Variants in USO1 observed in about 807,000 individuals in gnomAD.
USO1 encodes general vesicular transport factor p115.
A neutral mutation model predicts 124.5 loss-of-function variants in USO1; 57 were observed. That is an observed-to-expected ratio of 0.46 (90% CI 0.37 to 0.57). USO1 has a LOEUF of 0.57. USO1 is among the 20% of genes least tolerant of loss of function. The probability of loss-of-function intolerance (pLI) is 0.00; values close to 1 mark genes in which losing one functional copy is unlikely to be tolerated. For synonymous variants in USO1, 369 were observed against 362.8 expected (o/e 1.02, Z -0.19); for missense variants, 900 against 1,040.6 (o/e 0.86, Z 1.86).
In USO1 at chr4:75,812,157, T is replaced by C; in HGVS notation, c.2584-3T>C. 6.3e-7 allele frequency: 1 copy of C among 1,594,962 alleles called. No individual in the cohort carries two copies. The highest frequency in any genetic ancestry group is 8.5e-7 in the Non-Finnish European group (1 of 1,170,314). On this transcript the variant is annotated splice_polypyrimidine_tract_variant and splice_region_variant and intron_variant, in intron 22 of 23. Coordinates refer to ENST00000514213, the MANE Select transcript of USO1 (RefSeq NM_003715.4). ...TTCCTGCCTTTCACCTTTCTTTTCC[T>C]AGAATGAAATTAAAGCTCTGTCTGA... is the stretch of plus-strand genomic sequence containing the variant.
chr4:75,783,528 CTG>C lies in USO1; in HGVS notation c.855+672_855+673del, dbSNP rs1269724805. Among the ~76,000 whole-genome samples, 4 of 152,284 alleles carry C rather than the reference CTG, an allele frequency of 2.6e-5. No homozygotes were observed. The South Asian group carries it at 8.3e-4, about 32-fold the overall frequency. ...CTTTATTGAATCCTCCTTCTCCAAA[CTG>C]TTAAGTTTATACTAGTCTCCTTACT... On this transcript the variant is annotated intron_variant, in intron 9 of 23. Coordinates refer to ENST00000514213, the MANE Select transcript of USO1 (RefSeq NM_003715.4).
At position 75,771,201 on chromosome 4, in the gene USO1, C is replaced by A. The variant is rs928896107; in HGVS notation, c.555+64C>A. On this transcript the variant is annotated intron_variant, in intron 7 of 23. Coordinates refer to ENST00000514213, the MANE Select transcript of USO1 (RefSeq NM_003715.4). The stretch of plus-strand genomic sequence containing the variant: ...CTTTTTTTTCTCTTGCAAATGAAAT[C>A]CTTGTTGTTGAGTTTTAGGAAATTA... The A allele has an allele frequency of 2.0e-6, 3 of 1,504,632 alleles. No individual in the cohort carries two copies. The African/African-American group carries it at 4.2e-5, about 21-fold the overall frequency. The allele number at this position is 1,504,632 out of a possible 1,614,324, so 93.2% of individuals were successfully genotyped here.
chr4:75,774,149 C>T (rs324709), intron 7 of USO1, among the ~76,000 whole-genome samples: 54,439 of 152,034 alleles, frequency 0.36, 11,809 homozygotes, highest in African/African-American at 0.62. Flanking sequence ...ATGCCATTCA[C>T]GAAGCATCAA....
chr4:75,806,543 G>C lies in USO1; in HGVS notation c.2347G>C (p.Asp783His). 9 of 1,559,748 alleles carry C rather than the reference G, an allele frequency of 5.8e-6. No homozygotes were observed. Among genetic ancestry groups the C allele is most frequent in the Non-Finnish European group, 7.8e-6 (9 of 1,150,836 alleles). The change falls in exon 20 of 24, where the codon GAT (aspartate) becomes CAT (histidine). Residue 783 changes from aspartate (D) to histidine (H), a missense_variant. Around this residue, in one of 2 missense-constraint regions of USO1, gnomAD observed 362 missense variants for 359.0 expected, o/e 1.01. Transcript: ENST00000514213. ...EQSSAIVSAR[D>H]SEQVAELKQE... ...GTCTTCAGCAATAGTTTCAGCTAGA[G>C]ATTCTGAACAAGTTGCAGAATTAAA...
chr4:75,751,577 TC>T (rs1470152712), intron 1 of USO1, among the ~76,000 whole-genome samples: 2 of 144,358 alleles, frequency 1.4e-5, no homozygotes, highest in Non-Finnish European at 3.1e-5. Flanking sequence ...ATGCCTGTAA[TC>T]CCAGCACTTT....
Position 75,809,089 on chromosome 4 carries a change from G to A in USO1, c.2475+38G>A, listed in dbSNP as rs1386941615. The A allele has an allele frequency of 2.6e-6, 4 of 1,533,376 alleles. No individual in the cohort carries two copies. In the East Asian group the frequency reaches 7.2e-5, roughly 28 times the overall value. The allele number at this position is 1,533,376 out of a possible 1,614,324, so 95.0% of individuals were successfully genotyped here. A position where few individuals can be genotyped will look rare whatever the true frequency, so the allele number is the denominator to read the frequency against. On this transcript the variant is annotated intron_variant, in intron 21 of 23. Coordinates refer to ENST00000514213, the MANE Select transcript of USO1 (RefSeq NM_003715.4). ...TCTTTTTTCTCTGGAAGGTAATAAAGACAAGGTTGATGTATTATTTCTTAG... is the reference window on the plus strand; with the variant it reads ...TCTTTTTTCTCTGGAAGGTAATAAAAACAAGGTTGATGTATTATTTCTTAG...
In USO1 at chr4:75,801,213, G is replaced by T; in HGVS notation, c.1986+13G>T. On this transcript the variant is annotated intron_variant, in intron 17 of 23. Transcript: ENST00000514213. ...GATTCGAGAGCAGGTAAGTACTAATGAACTGTATATACCCTCTGATTACCA... is the reference window on the plus strand; with the variant it reads ...GATTCGAGAGCAGGTAAGTACTAATTAACTGTATATACCCTCTGATTACCA... 1.3e-6 allele frequency: 2 copies of T among 1,598,202 alleles called. No individual in the cohort carries two copies. Among genetic ancestry groups the T allele is most frequent in the South Asian group, 2.3e-5 (2 of 87,124 alleles).
At position 75,752,546 on chromosome 4, in the gene USO1, C is replaced by T. The variant is rs1045097382; in HGVS notation, c.160C>T (p.Arg54Cys). Residue 54 changes from arginine to cysteine, a missense_variant, in exon 3 of 24, where the codon CGC (arginine) becomes TGC (cysteine). Physicochemically the swap from Arg to Cys is radical, Grantham distance 180. This residue lies in a region of USO1 where 538 missense variants were observed against 681.6 expected (regional missense o/e 0.79). Transcript: ENST00000514213. ...RALKSLSKKY[R>C]LEVGIQAMEH... ...TTTTATTTTTTATGTGCAGAAATAC[C>T]GCTTGGAAGTGGGTATACAAGCTAT... 18 of 398,356 alleles carry T rather than the reference C, an allele frequency of 4.5e-5. No homozygotes were observed. The highest frequency in any genetic ancestry group is 6.3e-4 in the Middle Eastern group (1 of 1,586). 24.7% of individuals were successfully genotyped at this position (398,356 alleles called of 1,614,324 possible).
At chr4:75,767,005 A>G (rs1223209788) in intron 4 of USO1, among the ~76,000 whole-genome samples, 2 of 152,152 alleles carry the variant, frequency 1.3e-5, no homozygotes, top group African/African-American at 4.8e-5. Flanking sequence ...TATCATTAGT[A>G]TTTGATAGTC....
intron 1 of USO1, among the ~76,000 whole-genome samples, chr4:75,746,833 T>C (rs955847999): frequency 2.0e-5 from 3 of 152,180 alleles, no homozygotes; most frequent in African/African-American, 7.2e-5. Context: ...AATTATTTAG[T>C]ACCTCGCTCA....
At chr4:75,804,976 G>A in intron 18 of USO1, 164 bp from the exon 19 acceptor site, 1 of 851,150 alleles carries the variant, frequency 1.2e-6, no homozygotes, top group Non-Finnish European at 1.6e-6. Context: ...AATACTATCA[G>A]TTCACTATTT....
At chr4:75,745,892 T>G (rs1350247271) in intron 1 of USO1, among the ~76,000 whole-genome samples, 3 of 151,820 alleles carry the variant, frequency 2.0e-5, no homozygotes, top group Non-Finnish European at 2.9e-5. Flanking sequence ...AGAGTGAGAC[T>G]CCGTGTCAAA....
Position 75,763,480 on chromosome 4 carries a change from G to A in USO1, c.295+5907G>A, listed in dbSNP as rs111476034. On this transcript the variant is annotated intron_variant, in intron 4 of 23. Coordinates refer to ENST00000514213, the MANE Select transcript of USO1 (RefSeq NM_003715.4). ...AGTGTTCTGGGCACATTTAAAGTAG[G>A]TTAAACATATTAAATACATTTTCAA... 7.9e-3 allele frequency among the ~76,000 whole-genome samples: 1,198 copies of A among 152,224 alleles called. 17 individuals carry two copies. Among genetic ancestry groups the A allele is most frequent in the African/African-American group, 0.027 (1,126 of 41,530 alleles).
Position 75,724,751 on chromosome 4 carries a change from C to A in USO1, c.-69C>A. The A allele has an allele frequency of 1.3e-6, 2 of 1,548,398 alleles. No homozygotes were observed. The highest frequency in any genetic ancestry group is 1.8e-6 in the Non-Finnish European group (2 of 1,128,890). ...GTGCGGGATTGGGGCCCAGGCCCTG[C>A]GGAGGGCGGGGGAAGTTGTCTTCTT... On this transcript the variant is annotated 5_prime_UTR_variant, in exon 1 of 24. Coordinates refer to ENST00000514213, the MANE Select transcript of USO1 (RefSeq NM_003715.4).
At chr4:75,784,753 G>A (rs921058858) in intron 9 of USO1, among the ~76,000 whole-genome samples, 3 of 150,774 alleles carry the variant, frequency 2.0e-5, no homozygotes, top group African/African-American at 2.4e-5. Flanking sequence ...ATCACGCCAC[G>A]CACTCCAGCC....
chr4:75,736,755 T>G (rs915872454), intron 1 of USO1, among the ~76,000 whole-genome samples: 5 of 152,222 alleles, frequency 3.3e-5, no homozygotes, highest in Non-Finnish European at 5.9e-5. Flanking sequence ...AATCCATGTC[T>G]TATTCATTAT....
At chr4:75,739,067 T>G (rs1348183576) in intron 1 of USO1, among the ~76,000 whole-genome samples, 2 of 152,106 alleles carry the variant, frequency 1.3e-5, no homozygotes, top group Non-Finnish European at 2.9e-5. Context: ...TTCGCCAGGC[T>G]GGTCTCAAAC....
intron 1 of USO1, among the ~76,000 whole-genome samples, chr4:75,749,253 G>C (rs1342286760): frequency 1.3e-5 from 2 of 152,044 alleles, no homozygotes; most frequent in Admixed American, 1.3e-4. Flanking sequence ...AATATCTTCT[G>C]GGACACTAGA....
chr4:75,780,355 C>T (rs1722183539), intron 8 of USO1, among the ~76,000 whole-genome samples: 1 of 150,810 alleles, frequency 6.6e-6, no homozygotes, highest in African/African-American at 2.4e-5. Context: ...CCACCTCTGC[C>T]TCCTAGGTTC....
Sources: allele counts gnomAD v4.1 joint callset (sites outside exome capture counted in the v4.1 genomes callset), GRCh38; gene constraint gnomAD v4.1.1; regional missense constraint gnomAD v4.1.1; transcripts MANE v1.5; gene names NCBI Gene and HGNC (gene_info 2026-07-23, HGNC 2026-07-21).